The following KLRD1 variants were observed in gnomAD, a reference collection of about 807,000 sequenced individuals.
KLRD1 encodes killer cell lectin like receptor D1, also known as natural killer cells antigen CD94.
KLRD1 carries 21 observed loss-of-function variants against 22.6 expected under a neutral mutation model. The observed-to-expected ratio is 0.93, with a 90% CI of 0.66 to 1.34. KLRD1 has a LOEUF of 1.34. Among genes scored for constraint, KLRD1 ranks in the 40% most tolerant of loss-of-function variants. KLRD1 has a pLI of 0.00. For missense variants in KLRD1, 183 were observed against 208.6 expected, an observed-to-expected ratio of 0.88 and a Z score of 0.76; for synonymous variants, 59 against 71.1, an observed-to-expected ratio of 0.83 and a Z score of 0.85.
At chr12:10,296,027 C>CT (rs1310550194) in intron 1 of KLRD1, among the ~76,000 whole-genome samples, 3 of 152,094 alleles carry the variant, frequency 2.0e-5, no homozygotes, top group African/African-American at 7.2e-5. Flanking sequence ...AATTATGTAG[C>CT]TTTTTTTCCT....
At chr12:10,247,001 C>T (rs938535203) in intron 1 of KLRD1, among the ~76,000 whole-genome samples, 3 of 146,640 alleles carry the variant, frequency 2.0e-5, no homozygotes, top group South Asian at 2.1e-4. Flanking sequence ...GGCACGATCT[C>T]GGCTCACTGC....
rs376020820 is a variant in KLRD1, at chr12:10,314,921, T to A, written c.*128T>A. ...TAAAATGTTTTTAAACAGTGTCATA[T>A]ACAATTGTCATGTATGTGAAACAAT... is the stretch of plus-strand genomic sequence containing the variant. On this transcript the variant is annotated 3_prime_UTR_variant, in exon 6 of 6. Transcript: ENST00000336164. The A allele has an allele frequency of 3.8e-5, 32 of 833,668 alleles. No homozygotes were observed. In the African/African-American group the frequency reaches 3.9e-4, roughly 10 times the overall value. 51.6% of individuals were successfully genotyped at this position (833,668 alleles called of 1,614,324 possible).
chr12:10,260,367 G>T (rs1259901397), intron 1 of KLRD1, among the ~76,000 whole-genome samples: 2 of 151,240 alleles, frequency 1.3e-5, no homozygotes, highest in South Asian at 2.1e-4. Context: ...AGTTATATAT[G>T]ATACACCTAA....
rs138489732 is a variant in KLRD1, at chr12:10,247,635, A to G, written c.-101+21402A>G. Among the ~76,000 whole-genome samples the G allele has an allele frequency of 1.7e-3, 266 of 152,260 alleles. No individual in the cohort carries two copies. In the Middle Eastern group the frequency reaches 0.02, roughly 12 times the overall value. Reference sequence around the variant, plus strand: ...ATAGTTTGGCTCTGTCCCAAACCAAATCTCATCTTGAATTGAAGTTCCCCT... The same window carrying G: ...ATAGTTTGGCTCTGTCCCAAACCAAGTCTCATCTTGAATTGAAGTTCCCCT... On this transcript the variant is annotated intron_variant, in intron 1 of 5. Coordinates refer to the KLRD1 transcript ENST00000544747.
At chr12:10,274,209 G>C (rs1949573247) in intron 1 of KLRD1, among the ~76,000 whole-genome samples, 1 of 152,128 alleles carries the variant, frequency 6.6e-6, no homozygotes, top group Non-Finnish European at 1.5e-5. Context: ...GAACCCGGGA[G>C]GCAGAGGTTG....
At chr12:10,241,725 T>C (rs1949242934) in intron 1 of KLRD1, among the ~76,000 whole-genome samples, 1 of 152,176 alleles carries the variant, frequency 6.6e-6, no homozygotes, top group Non-Finnish European at 1.5e-5. Context: ...TTAAGGCTGA[T>C]ATTGGATAGT....
chr12:10,297,133 C>T (rs1337065767), intron 1 of KLRD1, among the ~76,000 whole-genome samples: 1 of 152,216 alleles, frequency 6.6e-6, no homozygotes, highest in South Asian at 2.1e-4. Flanking sequence ...ATCCTGATAG[C>T]TCAAAGGATG....
chr12:10,255,660 G>A (rs990726160), intron 1 of KLRD1, among the ~76,000 whole-genome samples: 9 of 151,954 alleles, frequency 5.9e-5, no homozygotes, highest in Non-Finnish European at 1.0e-4. Context: ...TTCTGTTACT[G>A]AATTCTAGTT....
intron 1 of KLRD1, among the ~76,000 whole-genome samples, chr12:10,281,208 G>T (rs1949638525): frequency 6.6e-6 from 1 of 152,138 alleles, no homozygotes. Context: ...GGGAACAGAA[G>T]CTGGAAAGAC....
intron 1 of KLRD1, among the ~76,000 whole-genome samples, chr12:10,288,864 G>A (rs115948396): frequency 0.012 from 1,764 of 152,148 alleles, 34 homozygotes; most frequent in African/African-American, 0.04. Context: ...TGTTTAATGC[G>A]TACCAAATGA....
chr12:10,254,813 A>AGAATATTTATATACTGTT (rs1555101288), intron 1 of KLRD1, among the ~76,000 whole-genome samples: 13 of 150,910 alleles, frequency 8.6e-5, no homozygotes, highest in South Asian at 2.1e-4. Context: ...GAATCACTTG[A>AGAATATTTATATACTGTT]ACCCAGGAGG....
upstream of KLRD1, among the ~76,000 whole-genome samples, chr12:10,304,925 G>T (rs571841083): frequency 5.3e-5 from 8 of 152,168 alleles, no homozygotes; most frequent in Non-Finnish European, 1.2e-4. Flanking sequence ...TCTGTTAAAA[G>T]AATAATTTGC....
chr12:10,239,522 T>C (rs55739130), intron 1 of KLRD1, among the ~76,000 whole-genome samples: 1 of 9,974 alleles, frequency 1.0e-4, no homozygotes, highest in African/African-American at 2.3e-4. Context: ...CCCTCCCCTT[T>C]CTTTCTTTCT....
chr12:10,298,854 C>A (rs1004765716), intron 1 of KLRD1, among the ~76,000 whole-genome samples: 12 of 152,300 alleles, frequency 7.9e-5, no homozygotes, highest in African/African-American at 2.6e-4. Flanking sequence ...GGGTAAATCT[C>A]TGTTCGAGGC....
chr12:10,270,031 T>G (rs917926612), intron 1 of KLRD1, among the ~76,000 whole-genome samples: 4 of 152,168 alleles, frequency 2.6e-5, no homozygotes, highest in Non-Finnish European at 5.9e-5. Flanking sequence ...GCCAAACCAA[T>G]AACATCTATA....
chr12:10,305,373 AG>A (rs1490066069), upstream of KLRD1, among the ~76,000 whole-genome samples: 1 of 152,218 alleles, frequency 6.6e-6, no homozygotes, highest in Non-Finnish European at 1.5e-5. Context: ...CAGCACACTC[AG>A]AGAATACTTT....
chr12:10,290,904 A>G (rs1433765707), intron 1 of KLRD1, among the ~76,000 whole-genome samples: 3 of 152,226 alleles, frequency 2.0e-5, no homozygotes, highest in African/African-American at 4.8e-5. Flanking sequence ...AATAAGGTCT[A>G]TGGATTGTAC....
rs1950392065 is a variant in KLRD1 at position 10,329,564 on chromosome 12, G to A, written c.*14771G>A. 1 of 152,104 alleles carries A rather than the reference G, an allele frequency of 6.6e-6. No homozygotes were observed. The highest frequency in any genetic ancestry group is 1.5e-5 in the Non-Finnish European group (1 of 68,028). The allele number at this position is 152,104 out of a possible 1,614,324, so 9.4% of individuals were successfully genotyped here. A position where few individuals can be genotyped will look rare whatever the true frequency, so the allele number is the denominator to read the frequency against. ...TCATCTGGGTCTTTGTTGCCTTTAT[G>A]TTTGGTTGTTCTATCCATTATTAAA... is the stretch of plus-strand genomic sequence containing the variant. On this transcript the variant is annotated 3_prime_UTR_variant, in exon 6 of 6. Coordinates refer to ENST00000336164, the MANE Select transcript of KLRD1 (RefSeq NM_002262.5).
rs528896796 is a variant in KLRD1 at position 10,309,479 on chromosome 12, T to A, written c.99T>A (p.Asn33Lys). Residue 33 changes from asparagine to lysine, a missense_variant and splice_region_variant, in exon 2 of 6, where the codon AAT becomes AAA. Asn to Lys is a moderately conservative substitution (Grantham distance 94). Transcript: ENST00000336164. ...CTACGTTGGGAATTTTGTTGAAAAA[T>A]TGTAAGTTTTTCTAAGCAAGTCTCC... ...LMSTLGILLK[N>K]SFTKLSIEPA... is the part of the protein sequence containing the mutation. The A allele has an allele frequency of 2.7e-5, 40 of 1,460,354 alleles. No individual in the cohort carries two copies. The South Asian group carries it at 3.9e-4, about 14-fold the overall frequency. 90.5% of individuals were successfully genotyped at this position (1,460,354 alleles called of 1,614,324 possible). A position where few individuals can be genotyped will look rare whatever the true frequency, so the allele number is the denominator to read the frequency against.
Sources: gnomAD v4.1 joint callset for allele counts (sites outside exome capture counted in the v4.1 genomes callset) on GRCh38, gnomAD v4.1.1 for gene constraint, MANE v1.5 for transcripts, NCBI Gene and HGNC (gene_info 2026-07-23, HGNC 2026-07-21) for gene names.